The following ELP4 variants were observed in gnomAD, a reference collection of about 807,000 sequenced individuals.
The protein encoded by ELP4 is elongator acetyltransferase complex subunit 4.
ELP4 carries 51 observed loss-of-function variants against 48.9 expected under a neutral mutation model. The observed-to-expected ratio is 1.04, with a 90% CI of 0.83 to 1.32. ELP4 has a LOEUF of 1.32. Among genes scored for constraint, ELP4 ranks in the 40% most tolerant of loss-of-function variants. The probability of loss-of-function intolerance (pLI) is 0.00; values close to 1 mark genes in which losing one functional copy is unlikely to be tolerated. For synonymous variants in ELP4, 210 were observed against 189.2 expected, an observed-to-expected ratio of 1.11 and a Z score of -0.90; for missense variants, 519 against 514.6, an observed-to-expected ratio of 1.01 and a Z score of -0.08.
chr11:31,598,671 T>C (rs994910292), intron 4 of ELP4, among the ~76,000 whole-genome samples: 3 of 151,620 alleles, frequency 2.0e-5, no homozygotes, highest in African/African-American at 7.3e-5. Context: ...GCACCCAGCT[T>C]ATTGTTTAAT....
At chr11:31,553,589 A>C (rs1956884294) in intron 3 of ELP4, among the ~76,000 whole-genome samples, 1 of 152,058 alleles carries the variant, frequency 6.6e-6, no homozygotes. Context: ...TTCTCAGACC[A>C]ATGGACCTTG....
intron 9 of ELP4, among the ~76,000 whole-genome samples, chr11:31,668,678 G>A (rs867560603): frequency 0.2 from 23,902 of 122,116 alleles, 3,238 homozygotes; most frequent in Non-Finnish European, 0.26. Context: ...TTGGTACCGT[G>A]TGTGTGTGTG....
chr11:31,627,163 A>C lies in ELP4; in HGVS notation c.707A>C (p.Tyr236Ser), dbSNP rs774738841. The C allele has an allele frequency of 1.3e-6, 2 of 1,575,396 alleles. No homozygotes were observed. Among genetic ancestry groups the C allele is most frequent in the South Asian group, 1.1e-5 (1 of 89,422 alleles). ...CTTCAGTTTATCCAGAACATCATTT[A>C]TGAGGAAGGATTTGATGGATCCAAT... Reference protein sequence around the residue: ...KLLQFIQNIIYEEGFDGSNPQ... With the variant: ...KLLQFIQNIISEEGFDGSNPQ... The change falls in exon 6 of 10, where the codon TAT becomes TCT. Residue 236 changes from tyrosine to serine, a missense_variant. Physicochemically the swap from Tyr to Ser is moderately radical, Grantham distance 144 (BLOSUM62 -2). Transcript: ENST00000640961.
intron 1 of ELP4, among the ~76,000 whole-genome samples, chr11:31,519,078 G>C (rs545006384): frequency 4.0e-4 from 61 of 152,126 alleles, no homozygotes; most frequent in Admixed American, 9.8e-4. Context: ...GCCTCCCAAA[G>C]TGCTAAGATT....
Position 31,789,656 on chromosome 11 carries a change from C to T in ELP4, c.*6132C>T, listed in dbSNP as rs1350588644. On this transcript the variant is annotated 3_prime_UTR_variant, in exon 10 of 10. Transcript: ENST00000640961. ...TACATTGTTCTTTTTTTCATTATAA[C>T]ATACAAATGCCCATTTACAAATAAT... 2.9e-6 allele frequency: 2 copies of T among 698,982 alleles called. No homozygotes were observed. Among genetic ancestry groups the T allele is most frequent in the East Asian group, 5.4e-5 (2 of 37,214 alleles). 43.3% of individuals were successfully genotyped at this position (698,982 alleles called of 1,614,324 possible).
At chr11:31,545,248 C>T (rs937565549) in intron 3 of ELP4, among the ~76,000 whole-genome samples, 2 of 151,988 alleles carry the variant, frequency 1.3e-5, no homozygotes, top group African/African-American at 2.4e-5. Context: ...AAAATTGAGA[C>T]GAATGTATAA....
intron 6 of ELP4, among the ~76,000 whole-genome samples, chr11:31,628,715 T>A (rs1944798460): frequency 6.6e-6 from 1 of 152,088 alleles, no homozygotes; most frequent in Admixed American, 6.6e-5. Flanking sequence ...CAAAACTTTT[T>A]AAATTAAAAT....
At chr11:31,520,442 A>G (rs576310159) in intron 2 of ELP4, among the ~76,000 whole-genome samples, 81 of 152,272 alleles carry the variant, frequency 5.3e-4, no homozygotes, top group African/African-American at 1.9e-3. Flanking sequence ...TTGAAATACC[A>G]AGTCCATCGT....
At position 31,786,920 on chromosome 11, in the gene ELP4, G is replaced by A. The variant is rs1246294144; in HGVS notation, c.*3396G>A. ...AAAAAATTTAGACGTTTAGTCCTGG[G>A]ATTCTACTGAAGTCTTCACAAATAA... On this transcript the variant is annotated 3_prime_UTR_variant, in exon 10 of 10. Transcript: ENST00000640961. 9.1e-6 allele frequency: 2 copies of A among 220,444 alleles called. No homozygotes were observed. Among genetic ancestry groups the A allele is most frequent in the Non-Finnish European group, 1.8e-5 (2 of 110,170 alleles). 13.7% of individuals were successfully genotyped at this position (220,444 alleles called of 1,614,324 possible). A position where few individuals can be genotyped will look rare whatever the true frequency, so the allele number is the denominator to read the frequency against.
At chr11:31,547,284 T>A (rs560070582) in intron 3 of ELP4, among the ~76,000 whole-genome samples, 1 of 151,506 alleles carries the variant, frequency 6.6e-6, no homozygotes, top group African/African-American at 2.4e-5. Flanking sequence ...ATAGACGCAA[T>A]AAAAAATGAT....
At chr11:31,605,157 T>C (rs1237411481) in intron 5 of ELP4, among the ~76,000 whole-genome samples, 2 of 152,076 alleles carry the variant, frequency 1.3e-5, no homozygotes. Context: ...TCCTGTGTCA[T>C]GGAGTAATGA....
intron 3 of ELP4, among the ~76,000 whole-genome samples, chr11:31,565,379 T>G (rs1160767680): frequency 6.6e-6 from 1 of 150,394 alleles, no homozygotes. Context: ...TTAGTTTAAT[T>G]AGATCCCATT....
At chr11:31,738,063 G>A (rs1357945091) in intron 9 of ELP4, among the ~76,000 whole-genome samples, 1 of 151,682 alleles carries the variant, frequency 6.6e-6, no homozygotes, top group Non-Finnish European at 1.5e-5. Flanking sequence ...AGATAAATGT[G>A]GTATATATGT....
intron 9 of ELP4, among the ~76,000 whole-genome samples, chr11:31,733,675 T>G (rs1031830565): frequency 6.6e-6 from 1 of 152,106 alleles, no homozygotes; most frequent in African/African-American, 2.4e-5. Context: ...TGAAGAATTT[T>G]AAAGCCTAAA....
At position 31,510,193 on chromosome 11, in the gene ELP4, A is replaced by G. The variant is rs141524492; in HGVS notation, c.223+186A>G. Among the ~76,000 whole-genome samples the G allele has an allele frequency of 2.6e-4, 40 of 152,250 alleles. 1 individual carries two copies. The highest frequency in any genetic ancestry group is 9.4e-4 in the African/African-American group (39 of 41,548). On this transcript the variant is annotated intron_variant, in intron 1 of 9. Transcript: ENST00000640961. ...TGGAGACTTCTGAGCGCTGTTAACTAAACATGTTTTAGTGCCCTCGCTCTC... is the reference window on the plus strand; with the variant it reads ...TGGAGACTTCTGAGCGCTGTTAACTGAACATGTTTTAGTGCCCTCGCTCTC...
chr11:31,654,362 A>T (rs941988502), intron 9 of ELP4: 12 of 151,814 alleles, frequency 7.9e-5, no homozygotes, highest in African/African-American at 2.7e-4. Flanking sequence ...TGTCAAAGTA[A>T]ATCATGTTTA....
chr11:31,688,178 T>C (rs1249108178), intron 9 of ELP4, among the ~76,000 whole-genome samples: 2 of 152,188 alleles, frequency 1.3e-5, no homozygotes, highest in Non-Finnish European at 1.5e-5. Flanking sequence ...CTAAAATAAT[T>C]ACAACCTTCT....
chr11:31,782,181 T>G (rs910192239), intron 9 of ELP4, among the ~76,000 whole-genome samples: 5 of 152,240 alleles, frequency 3.3e-5, no homozygotes, highest in African/African-American at 4.8e-5. Flanking sequence ...TTTAAAATAT[T>G]TTGATCATGT....
Position 31,669,383 on chromosome 11 carries a change from C to A in ELP4, c.1143+19162C>A, listed in dbSNP as rs541945359. On this transcript the variant is annotated intron_variant, in intron 9 of 9. Transcript: ENST00000640961. ...GGCATGAGCCACCGCGCCTGGCCCA[C>A]GTCTTTTATAAATGCGAAAAATGCT... 7.2e-5 allele frequency among the ~76,000 whole-genome samples: 11 copies of A among 152,092 alleles called. No homozygotes were observed. In the South Asian group the frequency reaches 2.1e-3, roughly 29 times the overall value.
Sources: gnomAD v4.1 joint callset for allele counts (sites outside exome capture counted in the v4.1 genomes callset) on GRCh38, gnomAD v4.1.1 for gene constraint, MANE v1.5 for transcripts, NCBI Gene and HGNC (gene_info 2026-07-23, HGNC 2026-07-21) for gene names.